Variants in ZNF101 observed in about 807,000 individuals in gnomAD.
ZNF101 encodes zinc finger protein 101, also known as zinc finger protein 101 (Y2).
A neutral mutation model predicts 42.6 loss-of-function variants in ZNF101; 34 were observed. That is an observed-to-expected ratio of 0.80 (90% confidence interval 0.61 to 1.06). The LOEUF (loss-of-function observed/expected upper bound fraction) is 1.06, where lower values mean the gene tolerates loss of function less well. Among genes scored for constraint, ZNF101 ranks in the 50% least tolerant of loss-of-function variants. The probability of loss-of-function intolerance (pLI) is 0.00; values close to 1 mark genes in which losing one functional copy is unlikely to be tolerated. For synonymous variants in ZNF101, 158 were observed against 183.9 expected (o/e 0.86, Z 1.14); for missense variants, 466 against 530.9 (o/e 0.88, Z 1.20).
rs1306003327 is a variant in ZNF101 at position 19,668,972 on chromosome 19, C to A, written c.3+6C>A. The A allele has an allele frequency of 1.9e-6, 3 of 1,587,170 alleles. No homozygotes were observed. The highest frequency in any genetic ancestry group is 2.3e-5 in the East Asian group (1 of 43,836). The stretch of plus-strand genomic sequence containing the variant: ...ACACCCGGAAGCCGGAAATGGTGAG[C>A]GTGCGGAGCCGGGCGTCCGGAGACC... On this transcript the variant is annotated splice_donor_region_variant and intron_variant, in intron 1 of 3. Transcript: ENST00000592502.
rs563729965 is a variant in ZNF101, at chr19:19,669,319, G to A, written c.3+353G>A. Reference sequence around the variant, plus strand: ...GGGTCCCCAGTTCCTCCTCCCTTAGGCGGTCCCCGTTTCCTTCGGAGTCTT... The same window carrying A: ...GGGTCCCCAGTTCCTCCTCCCTTAGACGGTCCCCGTTTCCTTCGGAGTCTT... On this transcript the variant is annotated intron_variant, in intron 1 of 3. Transcript: ENST00000592502. 1.4e-4 allele frequency among the ~76,000 whole-genome samples: 22 copies of A among 152,238 alleles called. No individual in the cohort carries two copies. In the South Asian group the frequency reaches 4.1e-3, roughly 29 times the overall value.
chr19:19,672,192 TA>T (rs1199179187), intron 1 of ZNF101: 1 of 150,796 alleles, frequency 6.6e-6, no homozygotes, highest in Non-Finnish European at 1.5e-5. Flanking sequence ...TTATTTATTT[TA>T]TTTTTTTACT....
At chr19:19,671,227 T>C (rs1357018820) in intron 1 of ZNF101, among the ~76,000 whole-genome samples, 2 of 152,240 alleles carry the variant, frequency 1.3e-5, no homozygotes, top group Non-Finnish European at 2.9e-5. Flanking sequence ...TGGATAACTC[T>C]GTTCTGTTTT....
At position 19,669,044 on chromosome 19, in the gene ZNF101, C is replaced by T; in HGVS notation, c.3+78C>T. On this transcript the variant is annotated intron_variant, in intron 1 of 3. Transcript: ENST00000592502. The stretch of plus-strand genomic sequence containing the variant: ...CGGCAGTGGCTGGACCTGGGCCTCC[C>T]CGCGGCGACTGTGGGGGTCTGGGAC... The T allele has an allele frequency of 2.6e-6, 4 of 1,522,844 alleles. No homozygotes were observed. The Admixed American group carries it at 7.9e-5, about 30-fold the overall frequency. 94.3% of individuals were successfully genotyped at this position (1,522,844 alleles called of 1,614,324 possible). A position where few individuals can be genotyped will look rare whatever the true frequency, so the allele number is the denominator to read the frequency against.
chr19:19,679,121 C>A, intron 3 of ZNF101, 60 bp from the exon 4 acceptor site: 2 of 1,566,908 alleles, frequency 1.3e-6, no homozygotes, highest in South Asian at 1.2e-5. Context: ...TAAGACATGT[C>A]AATTAGTAGA....
intron 2 of ZNF101, 123 bp downstream of exon 2, chr19:19,678,113 C>T: frequency 1.4e-6 from 2 of 1,391,050 alleles, no homozygotes; most frequent in South Asian, 2.4e-5. Context: ...CATCGTGGGC[C>T]AGGTACAGTG....
In ZNF101 at chr19:19,680,179, A is replaced by C. The variant is rs2062231314; in HGVS notation, c.1190A>C (p.Lys397Thr). The change falls in exon 4 of 4, where the codon AAA becomes ACA. Residue 397 changes from lysine (K) to threonine (T), a missense_variant. By Grantham distance (78) the Lys-to-Thr change is moderately conservative. Coordinates refer to ENST00000592502, the MANE Select transcript of ZNF101 (RefSeq NM_033204.4). ...THTGEKPFDC[K>T]QCGKVFTFSN... ...ACTGGAGAAAAACCCTTTGATTGTAAACAGTGTGGTAAAGTCTTTACTTTT... is the reference window on the plus strand; with the variant it reads ...ACTGGAGAAAAACCCTTTGATTGTACACAGTGTGGTAAAGTCTTTACTTTT... The C allele has an allele frequency of 1.9e-6, 3 of 1,610,932 alleles. No individual in the cohort carries two copies. The African/African-American group carries it at 4.0e-5, about 22-fold the overall frequency.
rs1420072978 is a variant in ZNF101, at chr19:19,679,286, G to A, written c.297G>A (p.Val99=). Residue 99 remains valine, a synonymous_variant, in exon 4 of 4, where the codon GTG becomes GTA. Coordinates refer to ENST00000592502, the MANE Select transcript of ZNF101 (RefSeq NM_033204.4). ...CHLNKKSQTG[V]KPCKCSVCGK... is the part of the protein sequence containing the mutation. Reference sequence around the variant, plus strand: ...TGAACAAGAAAAGTCAAACTGGAGTGAAACCATGCAAATGCAGCGTGTGTG... The same window carrying A: ...TGAACAAGAAAAGTCAAACTGGAGTAAAACCATGCAAATGCAGCGTGTGTG... The A allele has an allele frequency of 3.7e-6, 6 of 1,614,044 alleles. No homozygotes were observed. Among genetic ancestry groups the A allele is most frequent in the Non-Finnish European group, 5.1e-6 (6 of 1,180,038 alleles).
At chr19:19,677,061 A>T (rs1201943447) in intron 1 of ZNF101, 3 of 152,212 alleles carry the variant, frequency 2.0e-5, no homozygotes, top group African/African-American at 7.2e-5. Context: ...CCTGACAGAA[A>T]TTTTAAAATT....
chr19:19,668,844 G>C lies in ZNF101; in HGVS notation c.-120G>C. On this transcript the variant is annotated 5_prime_UTR_variant, in exon 1 of 4. Coordinates refer to ENST00000592502, the MANE Select transcript of ZNF101 (RefSeq NM_033204.4). Reference sequence around the variant, plus strand: ...TCATTTCCCGCCGGCCCCCCATTCGGGTCCGGGTTTTAGTTCCTCGGGGAG... The same window carrying C: ...TCATTTCCCGCCGGCCCCCCATTCGCGTCCGGGTTTTAGTTCCTCGGGGAG... 2.3e-6 allele frequency: 3 copies of C among 1,327,882 alleles called. No individual in the cohort carries two copies. Among genetic ancestry groups the C allele is most frequent in the African/African-American group, 1.5e-5 (1 of 66,020 alleles). 82.3% of individuals were successfully genotyped at this position (1,327,882 alleles called of 1,614,324 possible).
In ZNF101 at chr19:19,679,378, C is replaced by T; in HGVS notation, c.389C>T (p.Ser130Phe). The change falls in exon 4 of 4, where the codon TCT becomes TTT. Residue 130 changes from serine to phenylalanine, a missense_variant. Physicochemically the swap from Ser to Phe is radical, Grantham distance 155 (BLOSUM62 -2). Coordinates refer to ENST00000592502, the MANE Select transcript of ZNF101 (RefSeq NM_033204.4). ...HMRAHAGHKR[S>F]ECGGEWRETP... ...AGAGCTCATGCTGGACACAAACGAT[C>T]TGAGTGTGGTGGGGAATGGAGAGAG... 6.2e-7 allele frequency: 1 copy of T among 1,614,096 alleles called. No homozygotes were observed. The highest frequency in any genetic ancestry group is 8.5e-7 in the Non-Finnish European group (1 of 1,180,032).
chr19:19,669,912 A>T (rs1011695211), intron 1 of ZNF101, among the ~76,000 whole-genome samples: 3 of 140,870 alleles, frequency 2.1e-5, no homozygotes, highest in African/African-American at 8.0e-5. Context: ...CTCCGATGTT[A>T]AAAAAAAAAA....
At chr19:19,668,821 A>C (rs559944377), upstream of ZNF101, 7 of 1,115,824 alleles carry the variant, frequency 6.3e-6, no homozygotes, top group Non-Finnish European at 8.6e-6. Flanking sequence ...AAGCGGTCTC[A>C]TTTCCCGCCG....
rs1303649657 is a variant in ZNF101 at position 19,671,681 on chromosome 19, A to G, written c.3+2715A>G. Among the ~76,000 whole-genome samples, 6 of 152,042 alleles carry G rather than the reference A, an allele frequency of 3.9e-5. No individual in the cohort carries two copies. In the East Asian group the frequency reaches 9.7e-4, roughly 25 times the overall value. On this transcript the variant is annotated intron_variant, in intron 1 of 3. Coordinates refer to ENST00000592502, the MANE Select transcript of ZNF101 (RefSeq NM_033204.4). ...CGCCCGGCTAATTTTTTGTATTTTT[A>G]GTAGAGACGGGGTTTCACCGTGTTA...
At chr19:19,672,281 G>C (rs573620393) in intron 1 of ZNF101, 1 of 149,800 alleles carries the variant, frequency 6.7e-6, no homozygotes, top group Non-Finnish European at 1.5e-5. Context: ...CTCCGCTAAA[G>C]TGATTCTCCT....
chr19:19,677,699 G>C, intron 1 of ZNF101, 165 bp from the exon 2 acceptor site: 3 of 1,107,860 alleles, frequency 2.7e-6, no homozygotes, highest in Non-Finnish European at 3.6e-6. Flanking sequence ...TCTCACACTG[G>C]AACTGCTGCG....
At chr19:19,674,390 G>GA in intron 1 of ZNF101, among the ~76,000 whole-genome samples, 5 of 152,080 alleles carry the variant, frequency 3.3e-5, no homozygotes, top group Admixed American at 2.0e-4. Flanking sequence ...TGGTCAGGCT[G>GA]GTCTTGAACT....
chr19:19,673,059 C>T (rs991363940), intron 1 of ZNF101, among the ~76,000 whole-genome samples: 1 of 151,968 alleles, frequency 6.6e-6, no homozygotes, highest in African/African-American at 2.4e-5. Flanking sequence ...ATTCTCCTGC[C>T]TCAGCCTTCT....
chr19:19,678,364 C>T (rs1024454339), intron 2 of ZNF101, among the ~76,000 whole-genome samples: 3 of 151,888 alleles, frequency 2.0e-5, no homozygotes, highest in Non-Finnish European at 4.4e-5. Flanking sequence ...GCCTGTAATC[C>T]CAGCACTTTG....
Sources: gnomAD v4.1 joint callset for allele counts (sites outside exome capture counted in the v4.1 genomes callset) on GRCh38, gnomAD v4.1.1 for gene constraint, MANE v1.5 for transcripts, NCBI Gene and HGNC (gene_info 2026-07-23, HGNC 2026-07-21) for gene names.